Variants in DAP3 observed in about 807,000 individuals in gnomAD.
DAP3 encodes small ribosomal subunit protein mS29.
In DAP3, 28 loss-of-function variants were observed where a neutral mutation model predicts 51.9. The ratio of observed to expected loss-of-function variants is 0.54; its 90% confidence interval spans 0.40 to 0.74. The LOEUF (loss-of-function observed/expected upper bound fraction) is 0.74, where lower values mean the gene tolerates loss of function less well. Ranked by LOEUF, DAP3 falls within the 30% of genes least tolerant of loss-of-function variation. DAP3 has a pLI of 0.00. For missense variants in DAP3, 458 were observed against 483.5 expected, an observed-to-expected ratio of 0.95 and a Z score of 0.49; for synonymous variants, 170 against 170.3, an observed-to-expected ratio of 1.00 and a Z score of 0.01.
intron 1 of DAP3, among the ~76,000 whole-genome samples, chr1:155,707,543 C>A (rs72999071): frequency 6.6e-6 from 1 of 152,114 alleles, no homozygotes; most frequent in Admixed American, 6.5e-5. Flanking sequence ...CCAAAAGATT[C>A]GGGCTTTTAA....
intron 3 of DAP3, 148 bp downstream of exon 3, chr1:155,717,276 G>A: frequency 7.9e-7 from 1 of 1,270,498 alleles, no homozygotes. Context: ...CTGGAACCCA[G>A]ATTCTCCCTG....
intron 3 of DAP3, 141 bp from the exon 4 acceptor site, chr1:155,721,376 A>ATG (rs1657986872): frequency 5.3e-6 from 2 of 380,752 alleles, no homozygotes; most frequent in Non-Finnish European, 9.3e-6. Flanking sequence ...ATATGTATGT[A>ATG]TGTGTATATA....
At chr1:155,716,398 T>C (rs1454445172) in intron 2 of DAP3, among the ~76,000 whole-genome samples, 1 of 150,080 alleles carries the variant, frequency 6.7e-6, no homozygotes, top group Admixed American at 6.6e-5. Flanking sequence ...CTACTAAAAA[T>C]ACACCTCTAC....
At chr1:155,735,906 A>G (rs2149208557) in intron 11 of DAP3, among the ~76,000 whole-genome samples, 1 of 147,482 alleles carries the variant, frequency 6.8e-6, no homozygotes, top group Admixed American at 6.9e-5. Flanking sequence ...CAGTGGCTTA[A>G]TCTCGGCTCA....
At chr1:155,689,479 G>A (rs908214834) in intron 1 of DAP3, 1 of 458,256 alleles carries the variant, frequency 2.2e-6, no homozygotes, top group Non-Finnish European at 4.4e-6. Flanking sequence ...GGTGATGGAG[G>A]ATGAAGAAAC....
intron 11 of DAP3, 140 bp downstream of exon 11, chr1:155,732,173 A>C: frequency 1.7e-6 from 1 of 605,748 alleles, no homozygotes; most frequent in Non-Finnish European, 2.8e-6. Context: ...CTGGATTCCT[A>C]AAATATTAAC....
intron 5 of DAP3, among the ~76,000 whole-genome samples, 184 bp downstream of exon 5, chr1:155,725,674 C>A (rs1401868973): frequency 6.6e-6 from 1 of 152,118 alleles, no homozygotes; most frequent in Non-Finnish European, 1.5e-5. Flanking sequence ...ACCTGCCTGG[C>A]CAACATGGCG....
intron 11 of DAP3, among the ~76,000 whole-genome samples, chr1:155,734,318 T>G (rs768811971): frequency 1.3e-4 from 20 of 152,026 alleles, no homozygotes; most frequent in Non-Finnish European, 2.8e-4. Context: ...CACCCAGCAC[T>G]GAATGTTGTC....
intron 1 of DAP3, among the ~76,000 whole-genome samples, chr1:155,703,614 G>A (rs756019792): frequency 3.3e-5 from 5 of 152,042 alleles, no homozygotes; most frequent in Non-Finnish European, 5.9e-5. Context: ...CTTGGCTCAC[G>A]GCAACCTCTG....
At chr1:155,706,868 G>C (rs1656054192) in intron 1 of DAP3, among the ~76,000 whole-genome samples, 1 of 151,834 alleles carries the variant, frequency 6.6e-6, no homozygotes, top group African/African-American at 2.4e-5. Context: ...CTAGGCAGGT[G>C]GATCACCTGA....
chr1:155,738,152 T>G lies in DAP3; in HGVS notation c.1112-5T>G. On this transcript the variant is annotated splice_polypyrimidine_tract_variant and splice_region_variant and intron_variant, in intron 12 of 12. Transcript: ENST00000368336. The stretch of plus-strand genomic sequence containing the variant: ...GCCACTTACCTGTGTTTGTCTCCAT[T>G]TTAGCTCCTACAGAAGAAGGGAAAA... The G allele has an allele frequency of 6.2e-7, 1 of 1,614,170 alleles. No individual in the cohort carries two copies. The highest frequency in any genetic ancestry group is 8.5e-7 in the Non-Finnish European group (1 of 1,180,012).
chr1:155,731,295 T>C, intron 9 of DAP3, 61 bp from the exon 10 acceptor site: 2 of 1,533,132 alleles, frequency 1.3e-6, no homozygotes, highest in Non-Finnish European at 1.8e-6. Context: ...GTCAATTGTT[T>C]CGGGAGAACA....
At chr1:155,731,459 T>C in intron 10 of DAP3, 44 bp downstream of exon 10, 1 of 1,573,062 alleles carries the variant, frequency 6.4e-7, no homozygotes, top group Non-Finnish European at 8.7e-7. Flanking sequence ...AGAAATGTAT[T>C]ATCATTTTAA....
chr1:155,720,388 A>G (rs926762871), intron 3 of DAP3, among the ~76,000 whole-genome samples: 17 of 151,044 alleles, frequency 1.1e-4, no homozygotes, highest in African/African-American at 4.2e-4. Context: ...CACGCCTGTA[A>G]TCCCAGCACT....
chr1:155,714,336 A>G (rs182122948), intron 2 of DAP3, among the ~76,000 whole-genome samples: 18 of 152,270 alleles, frequency 1.2e-4, no homozygotes. Context: ...ACTAGCTGGG[A>G]CTACAGGAGT....
intron 2 of DAP3, among the ~76,000 whole-genome samples, chr1:155,714,319 G>A (rs993508462): frequency 9.2e-5 from 14 of 152,130 alleles, no homozygotes; most frequent in Admixed American, 8.5e-4. Context: ...TTCCACTTTA[G>A]TTCCCAACTA....
intron 2 of DAP3, among the ~76,000 whole-genome samples, chr1:155,711,304 C>T (rs1414107667): frequency 2.0e-5 from 3 of 151,992 alleles, no homozygotes; most frequent in Admixed American, 6.6e-5. Context: ...ACCAGCCTGG[C>T]CAACATAGTG....
At chr1:155,731,642 T>C in intron 10 of DAP3, 1 of 544,138 alleles carries the variant, frequency 1.8e-6, no homozygotes, top group East Asian at 3.2e-5. Flanking sequence ...CAAAACCATT[T>C]TATTTAAATA....
intron 1 of DAP3, among the ~76,000 whole-genome samples, chr1:155,703,196 A>G (rs1177725014): frequency 6.6e-6 from 1 of 152,198 alleles, no homozygotes; most frequent in Non-Finnish European, 1.5e-5. Context: ...CGCTGCTGAT[A>G]AAGACACACC....
Sources: allele counts gnomAD v4.1 joint callset (sites outside exome capture counted in the v4.1 genomes callset), GRCh38; gene constraint gnomAD v4.1.1; transcripts MANE v1.5; gene names NCBI Gene and HGNC (gene_info 2026-07-23, HGNC 2026-07-21).